The following WNK1 variants were observed in gnomAD, a reference collection of about 807,000 sequenced individuals.
WNK1 encodes serine/threonine-protein kinase WNK1.
Under a neutral mutation model 222.8 loss-of-function variants are expected in WNK1, and 38 were observed. The ratio of observed to expected loss-of-function variants is 0.17; its 90% confidence interval spans 0.13 to 0.22. The LOEUF (loss-of-function observed/expected upper bound fraction) is 0.22, where lower values mean the gene tolerates loss of function less well. Ranked by LOEUF, WNK1 falls within the 10% of genes least tolerant of loss-of-function variation. WNK1 has a pLI of 1.00. For missense variants in WNK1, 2,348 were observed against 2,918.4 expected, an observed-to-expected ratio of 0.80 and a Z score of 4.50; for synonymous variants, 1,090 against 1,092.9, an observed-to-expected ratio of 1.00 and a Z score of 0.05.
At position 872,567 on chromosome 12, in the gene WNK1, G is replaced by A. The variant is rs546478826; in HGVS notation, c.2223+1219G>A. On this transcript the variant is annotated intron_variant, in intron 9 of 27. Transcript: ENST00000315939. ...AATTAAATATTTATAGTGCATCACT[G>A]ATATTAGTTAATAGTAATTATTTGC... 1.4e-4 allele frequency among the ~76,000 whole-genome samples: 22 copies of A among 152,294 alleles called. No homozygotes were observed. In the South Asian group the frequency reaches 4.6e-3, roughly 32 times the overall value.
At chr12:870,172 A>G (rs1952018677) in intron 8 of WNK1, among the ~76,000 whole-genome samples, 1 of 152,208 alleles carries the variant, frequency 6.6e-6, no homozygotes, top group South Asian at 2.1e-4. Flanking sequence ...AACAACTCCC[A>G]AAATGTGCAC....
chr12:797,352 C>G (rs1292908133), intron 1 of WNK1, among the ~76,000 whole-genome samples: 1 of 152,010 alleles, frequency 6.6e-6, no homozygotes, highest in African/African-American at 2.4e-5. Context: ...TGATTACCTT[C>G]TATATAAGAG....
chr12:781,600 GTTTTA>G (rs1324841974), intron 1 of WNK1, among the ~76,000 whole-genome samples: 1 of 152,130 alleles, frequency 6.6e-6, no homozygotes, highest in African/African-American at 2.4e-5. Context: ...TAAATGATCT[GTTTTA>G]TTTTTGCTTT....
intron 4 of WNK1, among the ~76,000 whole-genome samples, chr12:849,079 A>C (rs1408357846): frequency 6.6e-6 from 1 of 152,250 alleles, no homozygotes; most frequent in Non-Finnish European, 1.5e-5. Context: ...AGTTAGAGGT[A>C]GGCTGCACTT....
chr12:900,016 CTTTTTTTTTTTT>C (rs11433731), intron 25 of WNK1, among the ~76,000 whole-genome samples: 1 of 119,642 alleles, frequency 8.4e-6, no homozygotes, highest in African/African-American at 3.2e-5. Context: ...GGATTCTTTT[CTTTTTTTTTTTT>C]TTTTTTTGAG....
Position 868,599 on chromosome 12 carries a change from A to G in WNK1, c.2140-2666A>G, listed in dbSNP as rs949572563. 1.9e-6 allele frequency: 3 copies of G among 1,614,022 alleles called. No individual in the cohort carries two copies. The African/African-American group carries it at 4.0e-5, about 22-fold the overall frequency. ...TCTGCGCCTGCTGTGTTAACTCATA[A>G]CAATGAGAGCAGAAGCAACTGTGTA... On this transcript the variant is annotated intron_variant, in intron 8 of 27. Transcript: ENST00000315939.
chr12:786,464 C>A (rs1349772108), intron 1 of WNK1, among the ~76,000 whole-genome samples: 1 of 140,176 alleles, frequency 7.1e-6, no homozygotes, highest in African/African-American at 2.5e-5. Flanking sequence ...GTTCCTCTAT[C>A]TTCCCTTTTT....
chr12:827,671 G>A lies in WNK1; in HGVS notation c.1153+409G>A, dbSNP rs1037478926. On this transcript the variant is annotated intron_variant, in intron 3 of 27. Transcript: ENST00000315939. This position sits in a 1 kb window ranked among gnomAD's most constrained non-coding sequence, Gnocchi z 4.6. Reference sequence around the variant, plus strand: ...AGCCTCCCGAGTAGCTGGGATTACAGGCATGCATCACCATGCCTGGCTAAT... The same window carrying A: ...AGCCTCCCGAGTAGCTGGGATTACAAGCATGCATCACCATGCCTGGCTAAT... Among the ~76,000 whole-genome samples, 1 of 152,006 alleles carries A rather than the reference G, an allele frequency of 6.6e-6. No individual in the cohort carries two copies. The highest frequency in any genetic ancestry group is 1.5e-5 in the Non-Finnish European group (1 of 67,990).
chr12:862,204 A>T lies in WNK1; in HGVS notation c.2073A>T (p.Pro691=). ...HEQAHSTGTV[P]GHIPSTVQAQ... ...AGGCACATTCTACAGGCACAGTCCC[A>T]GGGCATATACCTTCTACTGTCCAAG... The change falls in exon 8 of 28, where the codon CCA becomes CCT. Residue 691 remains proline, a synonymous_variant. Coordinates refer to ENST00000315939, the MANE Select transcript of WNK1 (RefSeq NM_018979.4). The T allele has an allele frequency of 3.1e-6, 5 of 1,614,134 alleles. No individual in the cohort carries two copies. Among genetic ancestry groups the T allele is most frequent in the Non-Finnish European group, 4.2e-6 (5 of 1,179,982 alleles).
chr12:845,182 ACCGCGCC>A lies in WNK1; in HGVS notation c.1312-11977_1312-11971del, dbSNP rs1184625073. Among the ~76,000 whole-genome samples, 6 of 152,278 alleles carry A rather than the reference ACCGCGCC, an allele frequency of 3.9e-5. 1 individual carries two copies. Among genetic ancestry groups the A allele is most frequent in the African/African-American group, 1.4e-4 (6 of 41,572 alleles). On this transcript the variant is annotated intron_variant, in intron 4 of 27. Transcript: ENST00000315939. ...AGTGCTGGGATTACAGGCGTGAGCC[ACCGCGCC>A]CGGCCTGTACCTTCTCTTAAGTCAG... is the stretch of plus-strand genomic sequence containing the variant.
At position 754,037 on chromosome 12, in the gene WNK1, A is replaced by G. The variant is rs751326754; in HGVS notation, c.472A>G (p.Ser158Gly). The change falls in exon 1 of 28, where the codon AGC (serine) becomes GGC (glycine). Residue 158 changes from serine to glycine, a missense_variant. Around this residue, in one of 13 missense-constraint regions of WNK1, gnomAD observed 185 missense variants for 159.2 expected, o/e 1.16. Transcript: ENST00000315939. ...VAGPAPSTVP[S>G]STSKDRPVSQ... Reference sequence around the variant, plus strand: ...GGGCCCTGCCCCCTCGACTGTCCCCAGCAGTACCAGCAAAGACCGCCCAGT... The same window carrying G: ...GGGCCCTGCCCCCTCGACTGTCCCCGGCAGTACCAGCAAAGACCGCCCAGT... 1.9e-6 allele frequency: 3 copies of G among 1,593,362 alleles called. No homozygotes were observed. The highest frequency in any genetic ancestry group is 8.5e-7 in the Non-Finnish European group (1 of 1,170,396).
In WNK1 at chr12:909,366, G is replaced by C. The variant is rs554033758; in HGVS notation, c.*574G>C. The C allele has an allele frequency of 3.9e-5, 6 of 152,290 alleles. No homozygotes were observed. The highest frequency in any genetic ancestry group is 1.5e-4 in the African/African-American group (6 of 41,170). The allele number at this position is 152,290 out of a possible 1,614,324, so 9.4% of individuals were successfully genotyped here. A position where few individuals can be genotyped will look rare whatever the true frequency, so the allele number is the denominator to read the frequency against. The stretch of plus-strand genomic sequence containing the variant: ...TTATGATAGGTCATTAGTGCTTTAA[G>C]CAAAAGATATTAGCAGCTTTGACTG... On this transcript the variant is annotated 3_prime_UTR_variant, in exon 28 of 28. Coordinates refer to ENST00000315939, the MANE Select transcript of WNK1 (RefSeq NM_018979.4).
chr12:832,927 C>T (rs1340172697), intron 4 of WNK1, among the ~76,000 whole-genome samples: 1 of 152,150 alleles, frequency 6.6e-6, no homozygotes, highest in Non-Finnish European at 1.5e-5. Context: ...ATCTGCTTTG[C>T]CTTTCAGAGT....
intron 4 of WNK1, among the ~76,000 whole-genome samples, chr12:844,817 T>C (rs1355251841): frequency 6.6e-6 from 1 of 151,460 alleles, no homozygotes; most frequent in African/African-American, 2.4e-5. Context: ...TCTTAGATAA[T>C]ATAATTTATA....
chr12:878,233 G>A lies in WNK1; in HGVS notation c.2245G>A (p.Ala749Thr). 2 of 1,614,134 alleles carry A rather than the reference G, an allele frequency of 1.2e-6. No homozygotes were observed. Among genetic ancestry groups the A allele is most frequent in the Non-Finnish European group, 1.7e-6 (2 of 1,180,012 alleles). ...PQQQQGIQQT[A>T]PPQQTVQYSL... The stretch of plus-strand genomic sequence containing the variant: ...TTAGCAGCAGGGAATACAGCAGACA[G>A]CCCCTCCTCAACAGACAGTGCAGTA... Residue 749 changes from alanine (A) to threonine (T), a missense_variant, in exon 10 of 28, where the codon GCC becomes ACC. This residue lies in a region of WNK1 where 547 missense variants were observed against 558.3 expected (regional missense o/e 0.98). Coordinates refer to ENST00000315939, the MANE Select transcript of WNK1 (RefSeq NM_018979.4).
chr12:753,812 A>G lies in WNK1; in HGVS notation c.247A>G (p.Ser83Gly). 3.1e-6 allele frequency: 5 copies of G among 1,612,656 alleles called. No homozygotes were observed. Among genetic ancestry groups the G allele is most frequent in the Non-Finnish European group, 4.2e-6 (5 of 1,179,956 alleles). The change falls in exon 1 of 28, where the codon AGC becomes GGC. Residue 83 changes from serine (S) to glycine (G), a missense_variant. Coordinates refer to ENST00000315939, the MANE Select transcript of WNK1 (RefSeq NM_018979.4). This position sits in a 1 kb window ranked among gnomAD's most constrained non-coding sequence, Gnocchi z 5.2. ...CACTGAGCACCGCTTCTTCCGCCGG[A>G]GCGTCATCTGTGACTCCAATGCCAC... ...TTTEHRFFRR[S>G]VICDSNATAL...
Position 884,569 on chromosome 12 carries a change from C to A in WNK1, c.3845-80C>A. 1 of 1,400,768 alleles carries A rather than the reference C, an allele frequency of 7.1e-7. No individual in the cohort carries two copies. The highest frequency in any genetic ancestry group is 1.0e-6 in the Non-Finnish European group (1 of 993,308). 86.8% of individuals were successfully genotyped at this position (1,400,768 alleles called of 1,614,324 possible). On this transcript the variant is annotated intron_variant, in intron 18 of 27. Coordinates refer to ENST00000315939, the MANE Select transcript of WNK1 (RefSeq NM_018979.4). The surrounding 1 kb of genome is among the most constrained non-coding windows in gnomAD (Gnocchi z 5.6). Reference sequence around the variant, plus strand: ...TATCAAAAACAGATATTTATAGGAGCTGACTTAGGCTAGCAGACAATCTTT... The same window carrying A: ...TATCAAAAACAGATATTTATAGGAGATGACTTAGGCTAGCAGACAATCTTT...
rs1292582284 is a variant in WNK1 at position 880,901 on chromosome 12, G to T, written c.3013G>T (p.Val1005Phe). Reference protein sequence around the residue: ...VQPYVESNLLVPMGGVGGQVQ... With the variant: ...VQPYVESNLLFPMGGVGGQVQ... ...GCCTTATGTGGAATCAAATCTTTTA[G>T]TTCCTATGGGTGGTGTAGGAGGACA... The change falls in exon 12 of 28, where the codon GTT becomes TTT. Residue 1005 changes from valine to phenylalanine, a missense_variant. Physicochemically the swap from Val to Phe is conservative, Grantham distance 50 (BLOSUM62 -1). Around this residue, in one of 13 missense-constraint regions of WNK1, gnomAD observed 547 missense variants for 558.3 expected, o/e 0.98. Coordinates refer to ENST00000315939, the MANE Select transcript of WNK1 (RefSeq NM_018979.4). 6.2e-7 allele frequency: 1 copy of T among 1,614,156 alleles called. No individual in the cohort carries two copies. Among genetic ancestry groups the T allele is most frequent in the South Asian group, 1.1e-5 (1 of 91,086 alleles).
chr12:787,482 G>A (rs1944421646), intron 1 of WNK1, among the ~76,000 whole-genome samples: 1 of 152,192 alleles, frequency 6.6e-6, no homozygotes, highest in African/African-American at 2.4e-5. Context: ...CACCAGAACA[G>A]GGTCTGGAAG....
Sources: allele counts gnomAD v4.1 joint callset (sites outside exome capture counted in the v4.1 genomes callset), GRCh38; gene constraint gnomAD v4.1.1; regional missense constraint gnomAD v4.1.1; non-coding constraint Gnocchi (gnomAD v3.1); transcripts MANE v1.5; gene names NCBI Gene and HGNC (gene_info 2026-07-23, HGNC 2026-07-21).